ATRN: variants seen among roughly 807,000 people sequenced by gnomAD.
ATRN encodes the protein attractin, also known as attractin-2.
A neutral mutation model predicts 178.7 loss-of-function variants in ATRN; 54 were observed. That is an observed-to-expected ratio of 0.30 (90% CI 0.24 to 0.38). ATRN has a LOEUF of 0.38. ATRN is among the 10% of genes least tolerant of loss of function. The pLI is 1.00. For synonymous variants in ATRN, 636 were observed against 663.0 expected, an observed-to-expected ratio of 0.96 and a Z score of 0.63; for missense variants, 1,443 against 1,815.1, an observed-to-expected ratio of 0.79 and a Z score of 3.73.
chr20:3,518,770 C>T (rs2085241336), intron 1 of ATRN, among the ~76,000 whole-genome samples: 1 of 151,930 alleles, frequency 6.6e-6, no homozygotes, highest in East Asian at 1.9e-4. Flanking sequence ...ATAAATATTT[C>T]AGTAGTTTGG....
At chr20:3,476,513 C>T (rs2146058436) in intron 1 of ATRN, among the ~76,000 whole-genome samples, 1 of 152,376 alleles carries the variant, frequency 6.6e-6, no homozygotes, top group South Asian at 2.1e-4. Flanking sequence ...AAATTCACTT[C>T]AGTCTCTCTG....
chr20:3,522,663 G>C (rs1249160932), intron 1 of ATRN, among the ~76,000 whole-genome samples: 2 of 152,192 alleles, frequency 1.3e-5, no homozygotes, highest in Admixed American at 1.3e-4. Context: ...TCATACAGGA[G>C]AGCTCCAGCT....
intron 24 of ATRN, among the ~76,000 whole-genome samples, chr20:3,616,292 C>T (rs6051973): frequency 1.3e-5 from 2 of 152,156 alleles, no homozygotes; most frequent in African/African-American, 4.8e-5. Flanking sequence ...ACTAGACTTC[C>T]TTAAAATTCA....
At position 3,537,479 on chromosome 20, in the gene ATRN, AT is replaced by A. The variant is rs987535421; in HGVS notation, c.494+2150del. 2.0e-3 allele frequency among the ~76,000 whole-genome samples: 260 copies of A among 132,740 alleles called. 3 individuals carry two copies. Among genetic ancestry groups the A allele is most frequent in the Middle Eastern group, 7.6e-3 (2 of 264 alleles). The allele number at this position is 132,740 out of a possible 152,430, so 87.1% of individuals were successfully genotyped here. ...ATTAAGCAAAAGAAGTGTTTTATAT[AT>A]TTTTTTCTTGTTTTTTTTTTTACAT... On this transcript the variant is annotated intron_variant, in intron 2 of 28. Transcript: ENST00000262919.
In ATRN at chr20:3,563,319, A is replaced by G. The variant is rs2085980596; in HGVS notation, c.1742A>G (p.His581Arg). 6.2e-7 allele frequency: 1 copy of G among 1,614,154 alleles called. No homozygotes were observed. Among genetic ancestry groups the G allele is most frequent in the South Asian group, 1.1e-5 (1 of 91,074 alleles). ...GNTHNDTSMSHGAKCFSSDFM... is the reference protein window; with the variant it reads ...GNTHNDTSMSRGAKCFSSDFM... Reference sequence around the variant, plus strand: ...ACACACAATGACACATCTATGAGCCATGGCGCCAAATGCTTCTCTTCAGAT... The same window carrying G: ...ACACACAATGACACATCTATGAGCCGTGGCGCCAAATGCTTCTCTTCAGAT... The change falls in exon 10 of 29, where the codon CAT becomes CGT. Residue 581 changes from histidine to arginine, a missense_variant. This residue lies in a region of ATRN where 862 missense variants were observed against 972.1 expected (regional missense o/e 0.89). Coordinates refer to ENST00000262919, the MANE Select transcript of ATRN (RefSeq NM_139321.3).
chr20:3,586,579 G>A (rs958104256), intron 18 of ATRN, among the ~76,000 whole-genome samples: 14 of 151,800 alleles, frequency 9.2e-5, no homozygotes, highest in African/African-American at 3.4e-4. Flanking sequence ...GAAAGTAGAT[G>A]TTTAGTGGTT....
At chr20:3,490,763 A>G (rs1193111654) in intron 1 of ATRN, 2 of 790,974 alleles carry the variant, frequency 2.5e-6, no homozygotes, top group Non-Finnish European at 4.7e-6. Context: ...CGAGTCTATT[A>G]TAGAATTCAG....
At chr20:3,473,506 T>C (rs1393900064) in intron 1 of ATRN, among the ~76,000 whole-genome samples, 1 of 151,888 alleles carries the variant, frequency 6.6e-6, no homozygotes, top group Non-Finnish European at 1.5e-5. Flanking sequence ...GTGGGTTGGA[T>C]TGAGAATTTT....
chr20:3,535,586 G>T (rs1348919064), intron 2 of ATRN, among the ~76,000 whole-genome samples: 1 of 112,180 alleles, frequency 8.9e-6, no homozygotes, highest in Non-Finnish European at 1.8e-5. Flanking sequence ...TTCAGAAACG[G>T]TTACACACAC....
intron 16 of ATRN, 30 bp downstream of exon 16, chr20:3,582,384 C>G (rs1305410509): frequency 1.3e-6 from 2 of 1,597,802 alleles, no homozygotes; most frequent in South Asian, 2.2e-5. Context: ...AGGTGGTATT[C>G]AGAGTTTATT....
intron 15 of ATRN, among the ~76,000 whole-genome samples, chr20:3,579,835 C>T (rs1242912263): frequency 5.9e-5 from 9 of 152,266 alleles, no homozygotes; most frequent in African/African-American, 1.4e-4. Flanking sequence ...GGTACAGCCT[C>T]CTTCATGTGA....
At chr20:3,487,243 A>G (rs530941202) in intron 1 of ATRN, among the ~76,000 whole-genome samples, 10 of 152,094 alleles carry the variant, frequency 6.6e-5, no homozygotes, top group Middle Eastern at 3.4e-3. Context: ...TAATTAATTA[A>G]TTAATTTTTT....
intron 1 of ATRN, among the ~76,000 whole-genome samples, chr20:3,472,129 G>T (rs1457182958): frequency 6.6e-6 from 1 of 152,248 alleles, no homozygotes; most frequent in East Asian, 1.9e-4. Flanking sequence ...GGTCTGTGGT[G>T]AAGAGGGAAT....
At chr20:3,639,809 C>T (rs1357261725) in intron 27 of ATRN, among the ~76,000 whole-genome samples, 1 of 152,186 alleles carries the variant, frequency 6.6e-6, no homozygotes, top group African/African-American at 2.4e-5. Context: ...TACTCTCCTT[C>T]CCTACCCTAA....
At chr20:3,526,284 C>T (rs1256118211) in intron 1 of ATRN, among the ~76,000 whole-genome samples, 1 of 152,172 alleles carries the variant, frequency 6.6e-6, no homozygotes, top group East Asian at 1.9e-4. Context: ...ACAAGCACTC[C>T]TATACATAAT....
intron 24 of ATRN, among the ~76,000 whole-genome samples, chr20:3,619,728 C>T (rs2086881904): frequency 6.6e-6 from 1 of 152,208 alleles, no homozygotes; most frequent in Non-Finnish European, 1.5e-5. Context: ...TCTGTTTTGG[C>T]AGAGACCCAT....
intron 1 of ATRN, among the ~76,000 whole-genome samples, chr20:3,497,652 T>C (rs1292346495): frequency 6.6e-6 from 1 of 152,124 alleles, no homozygotes; most frequent in Non-Finnish European, 1.5e-5. Flanking sequence ...GGAGTTGCTC[T>C]TTTCGAGGAG....
intron 16 of ATRN, 124 bp from the exon 17 acceptor site, chr20:3,583,774 C>G (rs1334598763): frequency 2.0e-6 from 2 of 1,024,710 alleles, no homozygotes; most frequent in Non-Finnish European, 2.9e-6. Flanking sequence ...TGCCACTGCA[C>G]TCTAGCCTGG....
Position 3,560,857 on chromosome 20 carries a change from C to A in ATRN, c.1399C>A (p.His467Asn). 6.2e-7 allele frequency: 1 copy of A among 1,614,122 alleles called. No individual in the cohort carries two copies. Among genetic ancestry groups the A allele is most frequent in the South Asian group, 1.1e-5 (1 of 91,064 alleles). Residue 467 changes from histidine (H) to asparagine (N), a missense_variant, in exon 8 of 29, where the codon CAC becomes AAC. His to Asn is a moderately conservative substitution (Grantham distance 68). Coordinates refer to ENST00000262919, the MANE Select transcript of ATRN (RefSeq NM_139321.3). ...AGTGGTCATGCTGGTCATCTTTGGTCACTGCCCTCTCTATGGATATATAAG... is the reference window on the plus strand; with the variant it reads ...AGTGGTCATGCTGGTCATCTTTGGTAACTGCCCTCTCTATGGATATATAAG... ...GRVVMLVIFG[H>N]CPLYGYISNV...
Sources: gnomAD v4.1 joint callset for allele counts (sites outside exome capture counted in the v4.1 genomes callset) on GRCh38, gnomAD v4.1.1 for gene constraint, gnomAD v4.1.1 regional missense constraint, MANE v1.5 for transcripts, NCBI Gene and HGNC (gene_info 2026-07-23, HGNC 2026-07-21) for gene names.